The following KCND2 variants were observed in gnomAD, a reference collection of about 807,000 sequenced individuals.
KCND2 encodes the protein A-type voltage-gated potassium channel KCND2.
A neutral mutation model predicts 54.4 loss-of-function variants in KCND2; 16 were observed. The ratio of observed to expected loss-of-function variants is 0.29; its 90% CI spans 0.20 to 0.45. The LOEUF (loss-of-function observed/expected upper bound fraction) is 0.45. Ranked by LOEUF, KCND2 falls within the 20% of genes least tolerant of loss-of-function variation. KCND2 has a pLI of 1.00. For synonymous variants in KCND2, 317 were observed against 310.7 expected, an observed-to-expected ratio of 1.02 and a Z score of -0.21; for missense variants, 486 against 824.2, an observed-to-expected ratio of 0.59 and a Z score of 5.02.
chr7:120,402,661 T>C (rs2116084551), intron 1 of KCND2, among the ~76,000 whole-genome samples: 1 of 152,294 alleles, frequency 6.6e-6, no homozygotes, highest in Middle Eastern at 3.4e-3. Context: ...TGATTCATTT[T>C]GTTTCTTACA....
At chr7:120,502,923 T>C (rs1314447649) in intron 1 of KCND2, among the ~76,000 whole-genome samples, 15 of 152,102 alleles carry the variant, frequency 9.9e-5, no homozygotes, top group Admixed American at 6.6e-4. Context: ...GGAAATAATC[T>C]CTGCATATCT....
rs140884909 is a variant in KCND2 at position 120,493,207 on chromosome 7, C to CAT, written c.1115+217473_1115+217474dup. ...GATATATAGATAAATAGATCTATAT[C>CAT]ATATATATATATATCTCCTAAAGTT... On this transcript the variant is annotated intron_variant, in intron 1 of 5. Transcript: ENST00000331113. 8.7e-4 allele frequency among the ~76,000 whole-genome samples: 130 copies of CAT among 149,208 alleles called. 1 individual carries two copies. In the East Asian group the frequency reaches 9.6e-3, roughly 11 times the overall value.
intron 1 of KCND2, among the ~76,000 whole-genome samples, chr7:120,502,202 T>A: frequency 6.6e-6 from 1 of 152,050 alleles, no homozygotes. Flanking sequence ...CTGATTTATT[T>A]TTTTTTTCCT....
chr7:120,703,878 T>C (rs538196778), intron 1 of KCND2, among the ~76,000 whole-genome samples: 1 of 152,272 alleles, frequency 6.6e-6, no homozygotes, highest in Admixed American at 6.5e-5. Flanking sequence ...AACCACTTTA[T>C]TTCACTATGA....
intron 1 of KCND2, among the ~76,000 whole-genome samples, chr7:120,295,152 C>T (rs1799489901): frequency 6.6e-6 from 1 of 151,728 alleles, no homozygotes; most frequent in South Asian, 2.1e-4. Flanking sequence ...CAATAAAACA[C>T]CAGTTTAGTT....
chr7:120,648,886 T>A (rs78062826), intron 1 of KCND2, among the ~76,000 whole-genome samples: 1,701 of 152,320 alleles, frequency 0.011, 9 homozygotes, highest in Non-Finnish European at 0.015. Context: ...GTCATTATAA[T>A]TTGTCTTCTA....
At chr7:120,644,955 T>C (rs1177434498) in intron 1 of KCND2, among the ~76,000 whole-genome samples, 1 of 152,218 alleles carries the variant, frequency 6.6e-6, no homozygotes, top group East Asian at 1.9e-4. Context: ...AGTTTTTTTT[T>C]CCTATGAAGT....
intron 1 of KCND2, among the ~76,000 whole-genome samples, chr7:120,650,303 C>G (rs1484565895): frequency 1.4e-5 from 2 of 142,992 alleles, no homozygotes; most frequent in Admixed American, 6.8e-5. Context: ...TTCTTGGAGG[C>G]TTTGTTCATT....
At chr7:120,682,709 A>G (rs1792154543) in intron 1 of KCND2, among the ~76,000 whole-genome samples, 4 of 152,186 alleles carry the variant, frequency 2.6e-5, no homozygotes. Flanking sequence ...TTGCTATTAC[A>G]CATTCGTTGA....
chr7:120,595,459 AAAT>A (rs1179953125), intron 1 of KCND2, among the ~76,000 whole-genome samples: 4 of 102,974 alleles, frequency 3.9e-5, no homozygotes, highest in African/African-American at 1.3e-4. Flanking sequence ...ACCAAAAAAA[AAAT>A]ATATATATAT....
chr7:120,471,224 A>C (rs1237824266), intron 1 of KCND2, among the ~76,000 whole-genome samples: 1 of 152,086 alleles, frequency 6.6e-6, no homozygotes, highest in East Asian at 1.9e-4. Context: ...CTTGGGGATC[A>C]ACTGGAAACT....
intron 1 of KCND2, among the ~76,000 whole-genome samples, chr7:120,381,762 A>G (rs949378347): frequency 1.3e-5 from 2 of 152,128 alleles, no homozygotes; most frequent in African/African-American, 4.8e-5. Context: ...TCTGTGATAC[A>G]TAACTATAAG....
intron 1 of KCND2, among the ~76,000 whole-genome samples, chr7:120,489,193 T>G (rs905680327): frequency 1.3e-5 from 2 of 152,052 alleles, no homozygotes; most frequent in African/African-American, 4.8e-5. Context: ...TGGGAAATAA[T>G]TCTTACATAA....
At chr7:120,594,800 T>C (rs1456303967) in intron 1 of KCND2, among the ~76,000 whole-genome samples, 2 of 152,112 alleles carry the variant, frequency 1.3e-5, no homozygotes, top group East Asian at 3.9e-4. Context: ...GGTGGGTGGA[T>C]CATGAAGTCA....
intron 1 of KCND2, among the ~76,000 whole-genome samples, chr7:120,414,112 C>A (rs1012402796): frequency 6.6e-6 from 1 of 151,946 alleles, no homozygotes; most frequent in Non-Finnish European, 1.5e-5. Flanking sequence ...AATTTCATCT[C>A]ACTTTATCAT....
chr7:120,582,074 A>T (rs545521417), intron 1 of KCND2, among the ~76,000 whole-genome samples: 89 of 152,294 alleles, frequency 5.8e-4, no homozygotes, highest in African/African-American at 1.9e-3. Context: ...TCCTTTTAAT[A>T]TTTAAGGGTA....
intron 1 of KCND2, among the ~76,000 whole-genome samples, chr7:120,313,954 A>C (rs1392527799): frequency 1.3e-5 from 2 of 151,868 alleles, no homozygotes; most frequent in African/African-American, 4.8e-5. Flanking sequence ...AAATACAAAA[A>C]AGAAAAAAAA....
chr7:120,625,746 A>T (rs1793156232), intron 1 of KCND2, among the ~76,000 whole-genome samples: 1 of 152,108 alleles, frequency 6.6e-6, no homozygotes. Flanking sequence ...TAACTTTCTT[A>T]TGAGAAGGTT....
At chr7:120,609,515 A>G (rs1329537621) in intron 1 of KCND2, among the ~76,000 whole-genome samples, 1 of 152,134 alleles carries the variant, frequency 6.6e-6, no homozygotes, top group Non-Finnish European at 1.5e-5. Flanking sequence ...GACGTCATCC[A>G]CTATTCTCCC....
Sources: gnomAD v4.1 joint callset for allele counts (sites outside exome capture counted in the v4.1 genomes callset) on GRCh38, gnomAD v4.1.1 for gene constraint, MANE v1.5 for transcripts, NCBI Gene and HGNC (gene_info 2026-07-23, HGNC 2026-07-21) for gene names.